The following ROBO2 variants were observed in gnomAD, a reference collection of about 807,000 sequenced individuals.
ROBO2 encodes roundabout guidance receptor 2, also known as roundabout homolog 2.
ROBO2 carries 53 observed loss-of-function variants against 160.8 expected under a neutral mutation model. The ratio of observed to expected loss-of-function variants is 0.33; its 90% CI spans 0.26 to 0.41. The LOEUF (loss-of-function observed/expected upper bound fraction) is 0.41. Among genes scored for constraint, ROBO2 ranks in the 10% least tolerant of loss-of-function variants. ROBO2 has a pLI of 1.00. For missense variants in ROBO2, 1,577 were observed against 1,722.4 expected, an observed-to-expected ratio of 0.92 and a Z score of 1.49; for synonymous variants, 664 against 611.7, an observed-to-expected ratio of 1.09 and a Z score of -1.26.
At chr3:76,254,005 C>T (rs963154383) in intron 2 of ROBO2, among the ~76,000 whole-genome samples, 2 of 151,808 alleles carry the variant, frequency 1.3e-5, no homozygotes, top group African/African-American at 4.8e-5. Context: ...GCTATGATAG[C>T]AATACATAAA....
intron 2 of ROBO2, among the ~76,000 whole-genome samples, chr3:76,587,233 C>G (rs1268566204): frequency 1.3e-5 from 2 of 152,132 alleles, no homozygotes; most frequent in African/African-American, 4.8e-5. Flanking sequence ...TTTTTCTCCA[C>G]TTAATGTGAG....
At chr3:76,041,798 C>A (rs1297906919) in intron 2 of ROBO2, among the ~76,000 whole-genome samples, 1 of 151,738 alleles carries the variant, frequency 6.6e-6, no homozygotes, top group African/African-American at 2.4e-5. Flanking sequence ...GTTGATTGAT[C>A]CCTACATTTT....
At chr3:77,088,168 AGT>A (rs915400160) in intron 1 of ROBO2, among the ~76,000 whole-genome samples, 26 of 152,198 alleles carry the variant, frequency 1.7e-4, no homozygotes, top group South Asian at 4.1e-4. Context: ...CAGGGGAAAA[AGT>A]GTTCTAATTT....
intron 2 of ROBO2, among the ~76,000 whole-genome samples, chr3:76,355,385 A>G (rs2075101312): frequency 6.6e-6 from 1 of 151,750 alleles, no homozygotes; most frequent in Admixed American, 6.6e-5. Context: ...TAGAAAACTA[A>G]TGCTGTGAAA....
chr3:77,052,692 C>T, intron 1 of ROBO2, among the ~76,000 whole-genome samples: 1 of 152,022 alleles, frequency 6.6e-6, no homozygotes, highest in African/African-American at 2.4e-5. Flanking sequence ...CCCAAATGAA[C>T]ACTGAAAAAA....
intron 2 of ROBO2, among the ~76,000 whole-genome samples, chr3:77,260,189 T>C (rs1175368447): frequency 6.6e-6 from 1 of 152,176 alleles, no homozygotes; most frequent in Non-Finnish European, 1.5e-5. Context: ...ATGTTATTCA[T>C]GGGTTCTCAG....
chr3:76,270,261 A>C (rs1206541172), intron 2 of ROBO2, among the ~76,000 whole-genome samples: 1 of 152,092 alleles, frequency 6.6e-6, no homozygotes, highest in African/African-American at 2.4e-5. Flanking sequence ...CCAACACTTT[A>C]AATACACATT....
chr3:76,931,574 C>CACACACACACACACACGT (rs1553696553), intron 2 of ROBO2, among the ~76,000 whole-genome samples: 2 of 151,962 alleles, frequency 1.3e-5, no homozygotes, highest in African/African-American at 4.8e-5. Context: ...CACACACACA[C>CACACACACACACACACGT]ACGTATATAT....
chr3:75,993,831 T>A (rs2065643492), intron 2 of ROBO2, among the ~76,000 whole-genome samples: 1 of 152,172 alleles, frequency 6.6e-6, no homozygotes, highest in Non-Finnish European at 1.5e-5. Flanking sequence ...GCCTGTTGAT[T>A]TACCAGCTAT....
In ROBO2 at chr3:77,151,482, T is replaced by A. The variant is rs2077540848; in HGVS notation, c.388+53142T>A. ...TTCTTGTCTCTCTTTTCTGGAATTATCAAGCTTTCTCTCATTCAGATGAAT... is the reference window on the plus strand; with the variant it reads ...TTCTTGTCTCTCTTTTCTGGAATTAACAAGCTTTCTCTCATTCAGATGAAT... On this transcript the variant is annotated intron_variant, in intron 2 of 25. Transcript: ENST00000461745. Among the ~76,000 whole-genome samples the A allele has an allele frequency of 2.0e-5, 3 of 152,166 alleles. No individual in the cohort carries two copies. The South Asian group carries it at 6.2e-4, about 31-fold the overall frequency.
intron 16 of ROBO2, among the ~76,000 whole-genome samples, chr3:77,583,656 A>C (rs1224171283): frequency 6.6e-6 from 1 of 151,794 alleles, no homozygotes; most frequent in Non-Finnish European, 1.5e-5. Flanking sequence ...CTCATAGTCT[A>C]CTTCTATTGA....
intron 2 of ROBO2, among the ~76,000 whole-genome samples, chr3:75,979,824 A>C (rs2065229133): frequency 6.6e-6 from 1 of 151,598 alleles, no homozygotes; most frequent in Admixed American, 6.6e-5. Flanking sequence ...AATTTTGTAG[A>C]TATAATGTTG....
intron 2 of ROBO2, among the ~76,000 whole-genome samples, chr3:76,685,088 C>T (rs1307683152): frequency 6.6e-6 from 1 of 151,672 alleles, no homozygotes; most frequent in East Asian, 1.9e-4. Context: ...ACAGAACAAT[C>T]ACAAGAGTTA....
intron 2 of ROBO2, among the ~76,000 whole-genome samples, chr3:76,793,059 T>C (rs557022203): frequency 4.6e-5 from 7 of 151,926 alleles, no homozygotes; most frequent in African/African-American, 1.4e-4. Context: ...AAAAATGCGA[T>C]TCCATCTTTC....
At chr3:77,037,964 A>G (rs764550875), upstream of ROBO2, among the ~76,000 whole-genome samples, 1 of 152,204 alleles carries the variant, frequency 6.6e-6, no homozygotes, top group African/African-American at 2.4e-5. Flanking sequence ...GGTGGTGTGT[A>G]TTATTTGGAG....
rs192435128 is a variant in ROBO2 at position 77,103,225 on chromosome 3, G to A, written c.388+4885G>A. 3.3e-5 allele frequency among the ~76,000 whole-genome samples: 5 copies of A among 151,944 alleles called. No individual in the cohort carries two copies. The East Asian group carries it at 9.7e-4, about 29-fold the overall frequency. ...ACAGCAGCTTGATCTATCGACCAGG[G>A]TAAGAGGGGGTTCTGGCCTAAATGA... On this transcript the variant is annotated intron_variant, in intron 2 of 25. Coordinates refer to ENST00000461745, the Ensembl canonical transcript of ROBO2.
At chr3:76,721,523 T>G (rs2093466850) in intron 2 of ROBO2, among the ~76,000 whole-genome samples, 1 of 151,836 alleles carries the variant, frequency 6.6e-6, no homozygotes, top group South Asian at 2.1e-4. Context: ...CTTCCTGCAT[T>G]ATTTACTCAT....
At chr3:76,808,263 A>G (rs1034661863) in intron 2 of ROBO2, among the ~76,000 whole-genome samples, 1 of 152,166 alleles carries the variant, frequency 6.6e-6, no homozygotes, top group Non-Finnish European at 1.5e-5. Flanking sequence ...CCTTAACCCA[A>G]TTGAAGATAT....
chr3:77,133,272 A>T (rs1181801989), intron 2 of ROBO2, among the ~76,000 whole-genome samples: 1 of 152,174 alleles, frequency 6.6e-6, no homozygotes, highest in Non-Finnish European at 1.5e-5. Flanking sequence ...TTGAGAGGGT[A>T]GCGATGAGGC....
Sources: gnomAD v4.1 joint callset for allele counts (sites outside exome capture counted in the v4.1 genomes callset) on GRCh38, gnomAD v4.1.1 for gene constraint, MANE v1.5 for transcripts, NCBI Gene and HGNC (gene_info 2026-07-23, HGNC 2026-07-21) for gene names.